The following RAB11FIP4 variants were observed in gnomAD, a reference collection of about 807,000 sequenced individuals.
RAB11FIP4 encodes RAB11 family interacting protein 4, also known as rab11 family-interacting protein 4.
A neutral mutation model predicts 74.3 loss-of-function variants in RAB11FIP4; 23 were observed. The observed-to-expected ratio is 0.31, with a 90% CI of 0.22 to 0.44. The LOEUF is 0.44. RAB11FIP4 is among the 20% of genes least tolerant of loss of function. The probability of loss-of-function intolerance (pLI) is 1.00; values close to 1 mark genes in which losing one functional copy is unlikely to be tolerated. For missense variants in RAB11FIP4, 630 were observed against 863.9 expected (o/e 0.73, Z 3.39); for synonymous variants, 360 against 359.9 (o/e 1.00, Z 0.00).
intron 3 of RAB11FIP4, among the ~76,000 whole-genome samples, chr17:31,469,631 CAAAAAAAAA>C (rs11414143): frequency 4.4e-5 from 4 of 91,728 alleles, no homozygotes; most frequent in African/African-American, 1.3e-4. Context: ...GACCCTCTCT[CAAAAAAAAA>C]AAAAAAAAAA....
intron 3 of RAB11FIP4, among the ~76,000 whole-genome samples, chr17:31,496,439 G>T (rs2072117403): frequency 2.0e-5 from 3 of 152,234 alleles, no homozygotes; most frequent in African/African-American, 4.8e-5. Flanking sequence ...TGAGGGCTGG[G>T]AGTGGGTCAC....
chr17:31,403,153 G>A (rs2071010219), intron 1 of RAB11FIP4, among the ~76,000 whole-genome samples: 1 of 125,914 alleles, frequency 7.9e-6, no homozygotes, highest in African/African-American at 3.1e-5. Flanking sequence ...TCCTAGGACT[G>A]CACCTCTGAC....
intron 4 of RAB11FIP4, among the ~76,000 whole-genome samples, chr17:31,520,530 C>A (rs766360139): frequency 1.3e-5 from 2 of 151,970 alleles, no homozygotes; most frequent in African/African-American, 4.8e-5. Context: ...TTTTTTGAGA[C>A]GGAGTCTCCC....
In RAB11FIP4 at chr17:31,517,841, A is replaced by C; in HGVS notation, c.527A>C (p.Asp176Ala). The change falls in exon 4 of 15, where the codon GAC (aspartate) becomes GCC (alanine). Residue 176 changes from aspartate (D) to alanine (A), a missense_variant. Asp to Ala is a moderately radical substitution (Grantham distance 126). Coordinates refer to ENST00000621161, the MANE Select transcript of RAB11FIP4 (RefSeq NM_032932.6). Reference protein sequence around the residue: ...EGSVGSPAEKDGGLGGLFLPE... With the variant: ...EGSVGSPAEKAGGLGGLFLPE... ...TCTGTCGGGAGTCCTGCCGAGAAGGACGGGGGACTTGGGGGCCTGTTTCTG... is the reference window on the plus strand; with the variant it reads ...TCTGTCGGGAGTCCTGCCGAGAAGGCCGGGGGACTTGGGGGCCTGTTTCTG... 5 of 1,551,752 alleles carry C rather than the reference A, an allele frequency of 3.2e-6. No homozygotes were observed. Among genetic ancestry groups the C allele is most frequent in the Non-Finnish European group, 4.4e-6 (5 of 1,147,050 alleles).
intron 1 of RAB11FIP4, among the ~76,000 whole-genome samples, chr17:31,418,716 T>G (rs937301967): frequency 6.6e-6 from 1 of 152,108 alleles, no homozygotes; most frequent in Admixed American, 6.6e-5. Context: ...CCTCCTGCCT[T>G]GACCCACTCC....
At chr17:31,493,327 G>A (rs1294106391) in intron 3 of RAB11FIP4, among the ~76,000 whole-genome samples, 2 of 152,136 alleles carry the variant, frequency 1.3e-5, no homozygotes, top group African/African-American at 2.4e-5. Flanking sequence ...CCAGAAAGAG[G>A]AAGGCCTAAA....
intron 3 of RAB11FIP4, among the ~76,000 whole-genome samples, chr17:31,502,016 G>A (rs898578835): frequency 9.2e-5 from 14 of 152,144 alleles, no homozygotes; most frequent in Admixed American, 1.3e-4. Flanking sequence ...TTGAGGCCAG[G>A]AGTTTGAGAC....
chr17:31,501,478 T>C (rs1485708864), intron 3 of RAB11FIP4, among the ~76,000 whole-genome samples: 1 of 152,206 alleles, frequency 6.6e-6, no homozygotes, highest in Non-Finnish European at 1.5e-5. Context: ...ATAAAGTGTT[T>C]TATGTCCCAC....
intron 2 of RAB11FIP4, 146 bp from the exon 3 acceptor site, chr17:31,433,888 T>C: frequency 1.4e-6 from 1 of 721,246 alleles, no homozygotes; most frequent in Non-Finnish European, 2.4e-6. Flanking sequence ...GCTCCATCCC[T>C]GCCTTCCAGT....
In RAB11FIP4 at chr17:31,528,409, C is replaced by T. The variant is rs555066178; in HGVS notation, c.1360C>T (p.Arg454Trp). The change falls in exon 12 of 15, where the codon CGG becomes TGG. Residue 454 changes from arginine (R) to tryptophan (W), a missense_variant. Arg to Trp is a moderately radical substitution (Grantham distance 101, BLOSUM62 -3). Coordinates refer to ENST00000621161, the MANE Select transcript of RAB11FIP4 (RefSeq NM_032932.6). Reference sequence around the variant, plus strand: ...TGATCGGGTCTCCCTGCTCCAGGAGCGGCAGCGCATGTCTGACCGTCTGGA... The same window carrying T: ...TGATCGGGTCTCCCTGCTCCAGGAGTGGCAGCGCATGTCTGACCGTCTGGA... Reference protein sequence around the residue: ...KSQTEKLDEERQRMSDRLEDT... With the variant: ...KSQTEKLDEEWQRMSDRLEDT... The T allele has an allele frequency of 4.3e-6, 7 of 1,612,116 alleles. No individual in the cohort carries two copies. The highest frequency in any genetic ancestry group is 4.0e-5 in the African/African-American group (3 of 75,062).
In RAB11FIP4 at chr17:31,436,555, A is replaced by G. The variant is rs553127226; in HGVS notation, c.336+2433A>G. Among the ~76,000 whole-genome samples the G allele has an allele frequency of 8.5e-5, 13 of 152,168 alleles. No individual in the cohort carries two copies. In the South Asian group the frequency reaches 2.7e-3, roughly 32 times the overall value. On this transcript the variant is annotated intron_variant, in intron 3 of 14. Transcript: ENST00000621161. ...GGTGGCACATGGAGAAAAGATGAGC[A>G]GGGGGTGCAGAAGAGTGGGCCTCCA...
rs1491553715 is a variant in RAB11FIP4, at chr17:31,517,192, G to GGGGC, written c.337-456_337-455insCGGG. Among the ~76,000 whole-genome samples the GGGGC allele has an allele frequency of 3.3e-4, 9 of 27,418 alleles. No individual in the cohort carries two copies. The East Asian group carries it at 0.011, about 33-fold the overall frequency. The allele number at this position is 27,418 out of a possible 152,430, so 18.0% of individuals were successfully genotyped here. A position where few individuals can be genotyped will look rare whatever the true frequency, so the allele number is the denominator to read the frequency against. On this transcript the variant is annotated intron_variant, in intron 3 of 14. Coordinates refer to ENST00000621161, the MANE Select transcript of RAB11FIP4 (RefSeq NM_032932.6). ...AGGTTGGGGGGCGAGGAGGCGGTGC[G>GGGGC]GGGGGGGGGGCGGTGGGGGGGGCGG...
intron 3 of RAB11FIP4, among the ~76,000 whole-genome samples, chr17:31,514,378 C>T (rs2072508165): frequency 6.6e-6 from 1 of 152,218 alleles, no homozygotes. Context: ...CGCTGATCTG[C>T]ACTGGGCCCT....
intron 3 of RAB11FIP4, among the ~76,000 whole-genome samples, chr17:31,464,426 A>T (rs1427023975): frequency 6.6e-6 from 1 of 152,038 alleles, no homozygotes; most frequent in Non-Finnish European, 1.5e-5. Context: ...GAAAATGGGG[A>T]TGGGGATGGG....
rs1435786046 is a variant in RAB11FIP4, at chr17:31,452,847, T to G, written c.336+18725T>G. Among the ~76,000 whole-genome samples the G allele has an allele frequency of 3.3e-5, 5 of 152,362 alleles. No individual in the cohort carries two copies. The East Asian group carries it at 9.6e-4, about 29-fold the overall frequency. On this transcript the variant is annotated intron_variant, in intron 3 of 14. Transcript: ENST00000621161. Reference sequence around the variant, plus strand: ...CTCAGCCACTTGCTTCTGGCATTGCTGTTTCCTCTCTGTGCACCTCTTATT... The same window carrying G: ...CTCAGCCACTTGCTTCTGGCATTGCGGTTTCCTCTCTGTGCACCTCTTATT...
At chr17:31,457,981 C>T (rs1202761280) in intron 3 of RAB11FIP4, among the ~76,000 whole-genome samples, 1 of 152,168 alleles carries the variant, frequency 6.6e-6, no homozygotes, top group Non-Finnish European at 1.5e-5. Context: ...AGACAAAAGG[C>T]CTTGAGGGAA....
At chr17:31,441,994 G>T (rs749178239) in intron 3 of RAB11FIP4, among the ~76,000 whole-genome samples, 18 of 151,304 alleles carry the variant, frequency 1.2e-4, no homozygotes, top group Non-Finnish European at 1.6e-4. Flanking sequence ...ATTGTTGGGC[G>T]TATATACACT....
intron 7 of RAB11FIP4, chr17:31,522,687 G>A (rs372979097): frequency 2.0e-5 from 10 of 488,532 alleles, no homozygotes; most frequent in Middle Eastern, 5.3e-4. Flanking sequence ...ACCCCACAGC[G>A]TTCAGTGCCC....
rs755993571 is a variant in RAB11FIP4 at position 31,528,613 on chromosome 17, C to G, written c.1495-7C>G. 1.7e-5 allele frequency: 27 copies of G among 1,613,292 alleles called. No homozygotes were observed. The highest frequency in any genetic ancestry group is 2.1e-5 in the Non-Finnish European group (25 of 1,179,706). ...TGCTCCTGCCAACCTGCTTCTCTCC[C>G]TCGCAGCTCATCGAGGACTTGCGGA... On this transcript the variant is annotated splice_region_variant and splice_polypyrimidine_tract_variant and intron_variant, in intron 12 of 14. Coordinates refer to ENST00000621161, the MANE Select transcript of RAB11FIP4 (RefSeq NM_032932.6).
Sources: allele counts gnomAD v4.1 joint callset (sites outside exome capture counted in the v4.1 genomes callset), GRCh38; gene constraint gnomAD v4.1.1; transcripts MANE v1.5; gene names NCBI Gene and HGNC (gene_info 2026-07-23, HGNC 2026-07-21).